Variants in TOP3A observed in about 807,000 individuals in gnomAD.
TOP3A encodes the protein DNA topoisomerase III alpha.
A neutral mutation model predicts 111.3 loss-of-function variants in TOP3A; 64 were observed. That is an observed-to-expected ratio of 0.57 (90% CI 0.47 to 0.71). The LOEUF is 0.71. Among genes scored for constraint, TOP3A ranks in the 30% least tolerant of loss-of-function variants. The pLI, the probability that TOP3A is intolerant of heterozygous loss-of-function variation, is 0.00. For synonymous variants in TOP3A, 484 were observed against 485.1 expected, an observed-to-expected ratio of 1.00 and a Z score of 0.03; for missense variants, 1,104 against 1,285.0, an observed-to-expected ratio of 0.86 and a Z score of 2.15.
At chr17:18,298,225 A>G (rs1289968823) in intron 9 of TOP3A, among the ~76,000 whole-genome samples, 10 of 141,228 alleles carry the variant, frequency 7.1e-5, no homozygotes, top group Non-Finnish European at 1.2e-4. Context: ...CCCTCCGCCC[A>G]GCAGCCGCGC....
chr17:18,306,320 CTAACAAGGG>C (rs1445041067), intron 4 of TOP3A, among the ~76,000 whole-genome samples: 1 of 152,162 alleles, frequency 6.6e-6, no homozygotes, highest in Admixed American at 6.6e-5. Flanking sequence ...CCTCTTTCAT[CTAACAAGGG>C]GTGAGATGGG....
intron 13 of TOP3A, among the ~76,000 whole-genome samples, chr17:18,288,151 ATTT>A (rs1295233051): frequency 0.03 from 3,833 of 125,908 alleles, 214 homozygotes; most frequent in African/African-American, 0.099. Flanking sequence ...ATATATATAA[ATTT>A]TTTTTTTTTT....
At chr17:18,298,393 C>A (rs1301367916) in intron 9 of TOP3A, among the ~76,000 whole-genome samples, 8 of 146,974 alleles carry the variant, frequency 5.4e-5, no homozygotes, top group Non-Finnish European at 1.2e-4. Flanking sequence ...GGGGGTCAGC[C>A]CCCCACCCGG....
At chr17:18,285,570 C>A in intron 13 of TOP3A, 50 bp from the exon 14 acceptor site, 1 of 1,554,218 alleles carries the variant, frequency 6.4e-7, no homozygotes, top group Non-Finnish European at 8.8e-7. Context: ...AACAGCTCCA[C>A]CCGGGTGGCG....
At chr17:18,298,385 G>C (rs1980993097) in intron 9 of TOP3A, among the ~76,000 whole-genome samples, 1 of 145,076 alleles carries the variant, frequency 6.9e-6, no homozygotes, top group South Asian at 2.1e-4. Context: ...GGAGGTGGGG[G>C]GGTCAGCCCC....
rs1324450572 is a variant in TOP3A, at chr17:18,277,888, C to T, written c.2614G>A (p.Gly872Arg). The T allele has an allele frequency of 1.2e-6, 2 of 1,613,802 alleles. No individual in the cohort carries two copies. The highest frequency in any genetic ancestry group is 1.7e-6 in the Non-Finnish European group (2 of 1,179,972). ...TGGATCCCTGGGCCTGGTGGGCATCCCAGGGAGGCGCCCAGGGGTCTATAT... is the reference window on the plus strand; with the variant it reads ...TGGATCCCTGGGCCTGGTGGGCATCTCAGGGAGGCGCCCAGGGGTCTATAT... ...LAYRPLGASL[G>R]CPPGPGIHLG... Residue 872 changes from glycine to arginine, a missense_variant, in exon 18 of 19, where the codon GGA (glycine) becomes AGA (arginine). Physicochemically the swap from Gly to Arg is moderately radical, Grantham distance 125. Coordinates refer to ENST00000321105, the MANE Select transcript of TOP3A (RefSeq NM_004618.5).
chr17:18,294,361 C>T (rs960684020), intron 10 of TOP3A, among the ~76,000 whole-genome samples: 3 of 151,648 alleles, frequency 2.0e-5, no homozygotes, highest in South Asian at 4.2e-4. Context: ...GATGGAGTCT[C>T]ACTCACTCAC....
At chr17:18,307,249 G>C in intron 3 of TOP3A, 1 of 289,328 alleles carries the variant, frequency 3.5e-6, no homozygotes, top group South Asian at 7.5e-5. Flanking sequence ...AAAAGTGACT[G>C]TTTAAAGATT....
chr17:18,308,627 C>T (rs1981729034), intron 2 of TOP3A: 3 of 485,006 alleles, frequency 6.2e-6, no homozygotes, highest in Non-Finnish European at 1.1e-5. Flanking sequence ...ATAACTGACG[C>T]CTCTTGCATC....
At chr17:18,298,956 CT>C (rs199676936) in intron 9 of TOP3A, among the ~76,000 whole-genome samples, 8,146 of 151,542 alleles carry the variant, frequency 0.054, 626 homozygotes, top group African/African-American at 0.17. Flanking sequence ...AACCAGAGAC[CT>C]TTGTTCACTT....
chr17:18,305,831 C>G (rs1597985626), intron 4 of TOP3A, among the ~76,000 whole-genome samples: 1 of 150,718 alleles, frequency 6.6e-6, no homozygotes, highest in East Asian at 1.9e-4. Context: ...GAGCAAGACT[C>G]CATCTCAAAA....
At chr17:18,301,840 T>A (rs1440876262) in intron 8 of TOP3A, 45 bp downstream of exon 8, 1 of 1,514,550 alleles carries the variant, frequency 6.6e-7, no homozygotes, top group African/African-American at 1.4e-5. Flanking sequence ...TGGGAGTGGT[T>A]TGGGAGGTGT....
At chr17:18,294,893 C>T in intron 9 of TOP3A, 108 bp from the exon 10 acceptor site, 1 of 733,104 alleles carries the variant, frequency 1.4e-6, no homozygotes, top group East Asian at 2.7e-5. Context: ...ACTCCAGGTG[C>T]TTCTGTCAAA....
intron 18 of TOP3A, among the ~76,000 whole-genome samples, chr17:18,275,690 G>A (rs185960783): frequency 2.7e-4 from 36 of 131,862 alleles, no homozygotes; most frequent in African/African-American, 9.5e-4. Context: ...GTCTGGCTCT[G>A]TCGCCTAGGC....
intron 4 of TOP3A, among the ~76,000 whole-genome samples, chr17:18,305,565 G>A (rs904719307): frequency 3.9e-4 from 59 of 152,136 alleles, no homozygotes; most frequent in African/African-American, 9.4e-4. Context: ...CCGGCTGGGC[G>A]TGGTGGCTCA....
intron 15 of TOP3A, among the ~76,000 whole-genome samples, chr17:18,284,382 A>G (rs1979961776): frequency 6.6e-6 from 1 of 152,010 alleles, no homozygotes; most frequent in South Asian, 2.1e-4. Context: ...CGTGTGATCA[A>G]CTCAACCTCC....
chr17:18,304,582 G>A (rs921332838), intron 5 of TOP3A, among the ~76,000 whole-genome samples: 6 of 152,084 alleles, frequency 3.9e-5, no homozygotes, highest in South Asian at 2.1e-4. Flanking sequence ...ATTAATAGTC[G>A]AGCATTGTAT....
intron 17 of TOP3A, 40 bp downstream of exon 17, chr17:18,280,496 A>C: frequency 6.2e-7 from 1 of 1,602,606 alleles, no homozygotes; most frequent in Non-Finnish European, 8.5e-7. Flanking sequence ...GATGGTGTAC[A>C]CACTCCAGAG....
At position 18,298,430 on chromosome 17, in the gene TOP3A, G is replaced by T. The variant is rs1309512122; in HGVS notation, c.990+1129C>A. ...CAGCCTCCCCGTCCGGGAGGGAGGT[G>T]GGGGGGTCAGCCCCCCGCCCGGCCA... On this transcript the variant is annotated intron_variant, in intron 9 of 18. Coordinates refer to ENST00000321105, the MANE Select transcript of TOP3A (RefSeq NM_004618.5). Among the ~76,000 whole-genome samples the T allele has an allele frequency of 4.9e-4, 70 of 142,168 alleles. 3 individuals carry two copies. The highest frequency in any genetic ancestry group is 1.4e-3 in the African/African-American group (51 of 36,408). The allele number at this position is 142,168 out of a possible 152,430, so 93.3% of individuals were successfully genotyped here. A position where few individuals can be genotyped will look rare whatever the true frequency, so the allele number is the denominator to read the frequency against.
Sources: allele counts gnomAD v4.1 joint callset (sites outside exome capture counted in the v4.1 genomes callset), GRCh38; gene constraint gnomAD v4.1.1; transcripts MANE v1.5; gene names NCBI Gene and HGNC (gene_info 2026-07-23, HGNC 2026-07-21).